The following DOCK2 variants were observed in gnomAD, a reference collection of about 807,000 sequenced individuals.
DOCK2 encodes dedicator of cytokinesis 2, also known as dedicator of cytokinesis protein 2.
A neutral mutation model predicts 248.9 loss-of-function variants in DOCK2; 87 were observed. That is an observed-to-expected ratio of 0.35 (90% CI 0.29 to 0.42). The LOEUF (loss-of-function observed/expected upper bound fraction) is 0.42, where lower values mean the gene tolerates loss of function less well. Ranked by LOEUF, DOCK2 falls within the 10% of genes least tolerant of loss-of-function variation. The pLI is 1.00. For missense variants in DOCK2, 1,747 were observed against 2,300.2 expected (o/e 0.76, Z 4.92); for synonymous variants, 805 against 821.6 (o/e 0.98, Z 0.35).
intron 25 of DOCK2, among the ~76,000 whole-genome samples, chr5:169,770,514 G>A (rs6863358): frequency 0.099 from 14,985 of 151,860 alleles, 1,025 homozygotes; most frequent in African/African-American, 0.2. Context: ...TCCCCAGGCT[G>A]GTCTCAGACC....
intron 27 of DOCK2, among the ~76,000 whole-genome samples, chr5:169,846,749 T>G (rs960075787): frequency 6.6e-6 from 1 of 152,146 alleles, no homozygotes; most frequent in East Asian, 1.9e-4. Flanking sequence ...TTTTGTTACA[T>G]GGATGAATTA....
At chr5:169,979,681 A>C (rs989329397) in intron 27 of DOCK2, among the ~76,000 whole-genome samples, 2 of 152,188 alleles carry the variant, frequency 1.3e-5, no homozygotes, top group African/African-American at 4.8e-5. Context: ...TTAACAGCCA[A>C]ATGCAGGTAA....
chr5:170,011,279 C>T (rs1251141513), intron 32 of DOCK2, among the ~76,000 whole-genome samples: 4 of 152,120 alleles, frequency 2.6e-5, no homozygotes, highest in Non-Finnish European at 5.9e-5. Flanking sequence ...TGATCTGGTC[C>T]AATTCACTAT....
chr5:169,645,115 T>C (rs1757382069), intron 1 of DOCK2, among the ~76,000 whole-genome samples: 1 of 152,246 alleles, frequency 6.6e-6, no homozygotes, highest in African/African-American at 2.4e-5. Flanking sequence ...CGTGTGCATA[T>C]GTCTTTATAG....
At chr5:170,019,771 T>C (rs1755657931) in intron 33 of DOCK2, among the ~76,000 whole-genome samples, 1 of 152,170 alleles carries the variant, frequency 6.6e-6, no homozygotes, top group Admixed American at 6.5e-5. Flanking sequence ...GTTGCCACAA[T>C]TGGCTCCCGG....
At chr5:169,780,335 G>A (rs1408243600) in intron 25 of DOCK2, among the ~76,000 whole-genome samples, 4 of 142,786 alleles carry the variant, frequency 2.8e-5, no homozygotes, top group East Asian at 4.0e-4. Flanking sequence ...GTGTGTGTGT[G>A]TGTGTTGAAT....
At chr5:169,750,527 A>G (rs1763842903) in intron 23 of DOCK2, among the ~76,000 whole-genome samples, 1 of 151,392 alleles carries the variant, frequency 6.6e-6, no homozygotes, top group Non-Finnish European at 1.5e-5. Flanking sequence ...TGCTATGCAA[A>G]TGCAGTGAAC....
Position 170,026,704 on chromosome 5 carries a change from A to T in DOCK2, c.3382-1159A>T, listed in dbSNP as rs150726687. ...AAACAATGCGTTGAATAAGCCATGC[A>T]CTCCAGTGGGTGAAATGCTTCTTAA... On this transcript the variant is annotated intron_variant, in intron 33 of 51. Coordinates refer to ENST00000520908, the MANE Select transcript of DOCK2 (RefSeq NM_004946.3). 8.2e-3 allele frequency among the ~76,000 whole-genome samples: 1,243 copies of T among 152,292 alleles called. 8 individuals carry two copies. Among genetic ancestry groups the T allele is most frequent in the Admixed American group, 0.014 (218 of 15,300 alleles).
At chr5:169,970,170 G>T (rs1777449794) in intron 27 of DOCK2, among the ~76,000 whole-genome samples, 1 of 152,276 alleles carries the variant, frequency 6.6e-6, no homozygotes, top group African/African-American at 2.4e-5. Flanking sequence ...TTTTTAATTT[G>T]ATGTTCTTAA....
chr5:169,918,189 A>C (rs149812778), intron 27 of DOCK2, among the ~76,000 whole-genome samples: 1 of 152,340 alleles, frequency 6.6e-6, no homozygotes, highest in East Asian at 1.9e-4. Context: ...CAGAAACCAC[A>C]TATGATCCTT....
intron 10 of DOCK2, 95 bp downstream of exon 10, chr5:169,696,033 T>C: frequency 1.4e-6 from 2 of 1,443,804 alleles, no homozygotes; most frequent in South Asian, 1.5e-5. Context: ...CGCCTCCTGC[T>C]GCCCCCACCC....
intron 23 of DOCK2, among the ~76,000 whole-genome samples, chr5:169,758,039 G>A (rs1764284864): frequency 6.6e-6 from 1 of 151,034 alleles, no homozygotes; most frequent in South Asian, 2.1e-4. Flanking sequence ...ATCCTACAAG[G>A]ATCTTTACAG....
chr5:169,695,807 T>C lies in DOCK2; in HGVS notation c.848T>C (p.Leu283Pro). The C allele has an allele frequency of 6.2e-7, 1 of 1,613,314 alleles. No individual in the cohort carries two copies. Among genetic ancestry groups the C allele is most frequent in the Non-Finnish European group, 8.5e-7 (1 of 1,179,808 alleles). Residue 283 changes from leucine to proline, a missense_variant, in exon 10 of 52, where the codon CTT becomes CCT. By Grantham distance (98) the Leu-to-Pro change is moderately conservative (BLOSUM62 -3). Transcript: ENST00000520908. The stretch of plus-strand genomic sequence containing the variant: ...TTTTTGTTTCTTTCCCCCCAGGATC[T>C]TGGAAACAAAGACCTCAACAGGGAT... ...LNNLKVVFTDLGNKDLNRDKI... is the reference protein window; with the variant it reads ...LNNLKVVFTDPGNKDLNRDKI...
intron 6 of DOCK2, 90 bp from the exon 7 acceptor site, chr5:169,681,654 A>G: frequency 6.5e-7 from 1 of 1,527,250 alleles, no homozygotes; most frequent in Non-Finnish European, 8.9e-7. Flanking sequence ...TGACCCCCAG[A>G]AATCAGCTGA....
rs78857315 is a variant in DOCK2, at chr5:169,908,450, C to T, written c.2799+67598C>T. ...TAATCCCCAAATCATGACATTTGGT[C>T]TTCTGAATATGGCCCCCAAGTTATG... On this transcript the variant is annotated intron_variant, in intron 27 of 51. Coordinates refer to ENST00000520908, the MANE Select transcript of DOCK2 (RefSeq NM_004946.3). Among the ~76,000 whole-genome samples the T allele has an allele frequency of 5.4e-3, 816 of 152,282 alleles. 7 individuals are homozygous for T. Among genetic ancestry groups the T allele is most frequent in the Admixed American group, 7.9e-3 (121 of 15,286 alleles).
chr5:169,977,688 A>G (rs938486330), intron 27 of DOCK2, among the ~76,000 whole-genome samples: 1 of 152,308 alleles, frequency 6.6e-6, no homozygotes, highest in Admixed American at 6.5e-5. Flanking sequence ...GTACTGCCTT[A>G]TCCATCCTGC....
At chr5:170,046,072 G>A (rs536115792) in intron 39 of DOCK2, among the ~76,000 whole-genome samples, 167 bp downstream of exon 39, 45 of 152,296 alleles carry the variant, frequency 3.0e-4, no homozygotes, top group Non-Finnish European at 3.5e-4. Context: ...CTCCCTTCCC[G>A]TGGGGAGTAT....
At chr5:169,949,766 C>A (rs1299802573) in intron 27 of DOCK2, among the ~76,000 whole-genome samples, 1 of 140,068 alleles carries the variant, frequency 7.1e-6, no homozygotes, top group Non-Finnish European at 1.5e-5. Context: ...ATTTCAGATT[C>A]ATTTAATTAA....
At chr5:169,876,532 A>G (rs780727309) in intron 27 of DOCK2, among the ~76,000 whole-genome samples, 1 of 152,226 alleles carries the variant, frequency 6.6e-6, no homozygotes, top group Non-Finnish European at 1.5e-5. Flanking sequence ...GTCCTGGGCA[A>G]TAATGTCTGA....
Sources: gnomAD v4.1 joint callset for allele counts (sites outside exome capture counted in the v4.1 genomes callset) on GRCh38, gnomAD v4.1.1 for gene constraint, MANE v1.5 for transcripts, NCBI Gene and HGNC (gene_info 2026-07-23, HGNC 2026-07-21) for gene names.